DLGAP2: variants seen among roughly 807,000 people sequenced by gnomAD.
DLGAP2 encodes the protein DLG associated protein 2.
Under a neutral mutation model 100.3 loss-of-function variants are expected in DLGAP2, and 26 were observed. The ratio of observed to expected loss-of-function variants is 0.26; its 90% CI spans 0.19 to 0.36. The LOEUF (loss-of-function observed/expected upper bound fraction) is 0.36. Among genes scored for constraint, DLGAP2 ranks in the 10% least tolerant of loss-of-function variants. The pLI is 1.00. For synonymous variants in DLGAP2, 886 were observed against 630.1 expected, an observed-to-expected ratio of 1.41 and a Z score of -6.08; for missense variants, 1,858 against 1,453.2, an observed-to-expected ratio of 1.28 and a Z score of -4.53.
chr8:1,096,455 C>T (rs943688911), intron 2 of DLGAP2, among the ~76,000 whole-genome samples: 6 of 152,238 alleles, frequency 3.9e-5, no homozygotes, highest in Non-Finnish European at 7.3e-5. Context: ...AGGAACCCCC[C>T]AGCGTGAGAA....
intron 6 of DLGAP2, among the ~76,000 whole-genome samples, chr8:1,623,286 C>G (rs546477977): frequency 5.9e-5 from 9 of 152,208 alleles, no homozygotes; most frequent in African/African-American, 1.9e-4. Context: ...CTGCCCCCAT[C>G]CCGCCCAAGC....
chr8:1,170,039 T>G (rs1414624231), intron 2 of DLGAP2, among the ~76,000 whole-genome samples: 1 of 151,974 alleles, frequency 6.6e-6, no homozygotes. Context: ...TAGCTCTTAT[T>G]ATTTTGAGAT....
At chr8:870,014 A>G (rs533892880) in intron 1 of DLGAP2, among the ~76,000 whole-genome samples, 2 of 152,318 alleles carry the variant, frequency 1.3e-5, no homozygotes, top group African/African-American at 2.4e-5. Context: ...TTTACAAAAA[A>G]AAAAAAAATG....
chr8:1,350,028 G>A lies in DLGAP2; in HGVS notation c.106+91145G>A, dbSNP rs146038389. 5.2e-3 allele frequency among the ~76,000 whole-genome samples: 793 copies of A among 152,244 alleles called. 5 individuals are homozygous for A. Among genetic ancestry groups the A allele is most frequent in the Middle Eastern group, 0.017 (5 of 294 alleles). ...AACCTTACAACTAATATAAAGGGGA[G>A]CAAATTGATGACTTTAATATAGAAA... is the stretch of plus-strand genomic sequence containing the variant. On this transcript the variant is annotated intron_variant, in intron 3 of 14. Coordinates refer to ENST00000637795, the MANE Select transcript of DLGAP2 (RefSeq NM_001346810.2).
At chr8:755,718 C>A (rs1820902523) in intron 1 of DLGAP2, among the ~76,000 whole-genome samples, 1 of 152,140 alleles carries the variant, frequency 6.6e-6, no homozygotes, top group Non-Finnish European at 1.5e-5. Context: ...GCTAGGGGGC[C>A]TGGAGAGGGG....
At chr8:1,060,704 A>G (rs1302055794) in intron 2 of DLGAP2, among the ~76,000 whole-genome samples, 1 of 152,148 alleles carries the variant, frequency 6.6e-6, no homozygotes, top group African/African-American at 2.4e-5. Context: ...ACTCCTGGTG[A>G]TGGTGGTGTC....
chr8:1,265,855 G>T (rs1799439640), intron 3 of DLGAP2, among the ~76,000 whole-genome samples: 1 of 152,190 alleles, frequency 6.6e-6, no homozygotes, highest in African/African-American at 2.4e-5. Context: ...AGAGTAGACA[G>T]GTAGGGGAGG....
chr8:1,245,978 G>C (rs1340882672), intron 2 of DLGAP2, among the ~76,000 whole-genome samples: 3 of 152,134 alleles, frequency 2.0e-5, no homozygotes, highest in Non-Finnish European at 4.4e-5. Flanking sequence ...TTTAGGAAAT[G>C]CATCTATTGA....
At chr8:1,006,746 G>C (rs1203236367) in intron 2 of DLGAP2, among the ~76,000 whole-genome samples, 3 of 110,214 alleles carry the variant, frequency 2.7e-5, no homozygotes, top group Non-Finnish European at 5.3e-5. Flanking sequence ...CAAGTCTCAG[G>C]ATGTGGTCCT....
At chr8:1,437,540 T>C (rs983405948) in intron 3 of DLGAP2, among the ~76,000 whole-genome samples, 13 of 152,210 alleles carry the variant, frequency 8.5e-5, no homozygotes, top group African/African-American at 2.4e-4. Flanking sequence ...TTAGTTCACG[T>C]GGATGGATGG....
chr8:1,651,329 C>T (rs73545304), intron 8 of DLGAP2, among the ~76,000 whole-genome samples: 6,088 of 152,220 alleles, frequency 0.04, 407 homozygotes, highest in African/African-American at 0.14. Context: ...GCGCTGGCCC[C>T]GTCAGCAGCC....
At chr8:1,513,832 C>T (rs187155241) in intron 4 of DLGAP2, among the ~76,000 whole-genome samples, 2 of 151,074 alleles carry the variant, frequency 1.3e-5, no homozygotes, top group East Asian at 3.9e-4. Flanking sequence ...AGGTCCAACA[C>T]GAAACATCCT....
intron 1 of DLGAP2, among the ~76,000 whole-genome samples, chr8:763,765 T>C (rs917746594): frequency 8.5e-5 from 13 of 152,096 alleles, no homozygotes; most frequent in African/African-American, 3.1e-4. Context: ...ACATGAGGTG[T>C]GGAAAACCCG....
chr8:1,028,528 C>A (rs1188208854), intron 2 of DLGAP2, among the ~76,000 whole-genome samples: 1 of 152,206 alleles, frequency 6.6e-6, no homozygotes, highest in Non-Finnish European at 1.5e-5. Flanking sequence ...GTGCCAGGCA[C>A]CCGTTATTCT....
In DLGAP2 at chr8:1,641,873, C is replaced by T. The variant is rs555663857; in HGVS notation, c.1810+8827C>T. Among the ~76,000 whole-genome samples, 5 of 151,570 alleles carry T rather than the reference C, an allele frequency of 3.3e-5. No homozygotes were observed. In the South Asian group the frequency reaches 8.3e-4, roughly 25 times the overall value. ...TGTTGAATCTGCCTCCCATACCCCT[C>T]GAACCCGCCGGTCCTCACCTGTGTC... On this transcript the variant is annotated intron_variant, in intron 8 of 14. Coordinates refer to ENST00000637795, the MANE Select transcript of DLGAP2 (RefSeq NM_001346810.2).
chr8:999,200 T>C lies in DLGAP2; in HGVS notation c.73+91234T>C, dbSNP rs115401005. ...TCCAGTCCCCTCCTCACGCCAGAGA[T>C]ACTTTCTCCTCCCGTGTCGGTGGAG... On this transcript the variant is annotated intron_variant, in intron 2 of 14. Coordinates refer to ENST00000637795, the MANE Select transcript of DLGAP2 (RefSeq NM_001346810.2). Among the ~76,000 whole-genome samples the C allele has an allele frequency of 2.7e-3, 415 of 152,090 alleles. 3 individuals carry two copies. Among genetic ancestry groups the C allele is most frequent in the African/African-American group, 9.3e-3 (385 of 41,504 alleles).
At chr8:1,524,007 C>A (rs938975142) in intron 4 of DLGAP2, among the ~76,000 whole-genome samples, 1 of 152,232 alleles carries the variant, frequency 6.6e-6, no homozygotes, top group African/African-American at 2.4e-5. Flanking sequence ...GATTCGGCAT[C>A]AGATCAGCTG....
intron 2 of DLGAP2, among the ~76,000 whole-genome samples, chr8:1,145,554 C>T (rs1478904470): frequency 1.3e-5 from 2 of 152,186 alleles, no homozygotes; most frequent in African/African-American, 2.4e-5. Flanking sequence ...TAGTTTGAAA[C>T]TCTTACCAAT....
intron 2 of DLGAP2, chr8:1,246,676 G>A (rs1383402283): frequency 6.6e-6 from 1 of 152,288 alleles, no homozygotes; most frequent in Non-Finnish European, 1.5e-5. Context: ...AGAAGGATTT[G>A]TACTTGAAGG....
Sources: gnomAD v4.1 joint callset for allele counts (sites outside exome capture counted in the v4.1 genomes callset) on GRCh38, gnomAD v4.1.1 for gene constraint, MANE v1.5 for transcripts, NCBI Gene and HGNC (gene_info 2026-07-23, HGNC 2026-07-21) for gene names.